Variants in CNNM2 observed in about 807,000 individuals in gnomAD.
The protein encoded by CNNM2 is cyclin and CBS domain divalent metal cation transport mediator 2.
Under a neutral mutation model 66.9 loss-of-function variants are expected in CNNM2, and 12 were observed. The observed-to-expected ratio is 0.18, with a 90% confidence interval of 0.11 to 0.29. The LOEUF (loss-of-function observed/expected upper bound fraction) is 0.29. CNNM2 is among the 10% of genes least tolerant of loss of function. CNNM2 has a pLI of 1.00. For synonymous variants in CNNM2, 557 were observed against 501.8 expected (o/e 1.11, Z -1.47); for missense variants, 705 against 1,167.7 (o/e 0.60, Z 5.77).
chr10:102,960,269 T>C (rs553791613), intron 1 of CNNM2, among the ~76,000 whole-genome samples: 1 of 152,264 alleles, frequency 6.6e-6, no homozygotes, highest in East Asian at 1.9e-4. Flanking sequence ...TACTGAGAAT[T>C]TCATTACCAC....
chr10:103,064,888 GA>G lies in CNNM2; in HGVS notation c.2074-3732del, dbSNP rs1237304166. ...AAATAAATTTTAAAACCATCTTTAT[GA>G]AAAAAAAATTTGGCAACCCCGTATC... On this transcript the variant is annotated intron_variant, in intron 4 of 7. Coordinates refer to ENST00000369878, the MANE Select transcript of CNNM2 (RefSeq NM_017649.5). Among the ~76,000 whole-genome samples the G allele has an allele frequency of 4.6e-5, 7 of 151,004 alleles. No homozygotes were observed. In the East Asian group the frequency reaches 5.8e-4, roughly 13 times the overall value.
Position 102,918,568 on chromosome 10 carries a change from C to T in CNNM2, c.88C>T (p.Arg30Cys), listed in dbSNP as rs540558653. ...AALPTWKMAA[R>C]RSLSARGRGI... ...ACTGCCCACTTGGAAGATGGCGGCG[C>T]GCCGCAGCCTCAGCGCTCGCGGCCG... is the stretch of plus-strand genomic sequence containing the variant. Residue 30 changes from arginine (R) to cysteine (C), a missense_variant, in exon 1 of 8, where the codon CGC becomes TGC. Coordinates refer to ENST00000369878, the MANE Select transcript of CNNM2 (RefSeq NM_017649.5). The surrounding 1 kb of genome is among the most constrained non-coding windows in gnomAD (Gnocchi z 4.1). 3.1e-5 allele frequency: 49 copies of T among 1,584,730 alleles called. No individual in the cohort carries two copies. The African/African-American group carries it at 5.3e-4, about 17-fold the overall frequency.
intron 1 of CNNM2, among the ~76,000 whole-genome samples, chr10:102,958,375 G>T (rs1564820852): frequency 6.7e-6 from 1 of 149,960 alleles, no homozygotes; most frequent in Non-Finnish European, 1.5e-5. Context: ...ACGGTTTTTG[G>T]TATGTCTTCA....
rs192407463 is a variant in CNNM2, at chr10:102,986,539, T to G, written c.1622-63168T>G. Among the ~76,000 whole-genome samples the G allele has an allele frequency of 1.1e-4, 16 of 152,150 alleles. No individual in the cohort carries two copies. The East Asian group carries it at 2.7e-3, about 26-fold the overall frequency. ...GGCTCACGCCTGTAATACCAGTACT[T>G]TGGGAGGCCGAGGTGGGCGGATCAC... is the stretch of plus-strand genomic sequence containing the variant. On this transcript the variant is annotated intron_variant, in intron 1 of 7. Transcript: ENST00000369878.
chr10:102,925,583 G>A lies in CNNM2; in HGVS notation c.1621+5482G>A, dbSNP rs372473487. ...TAGCATCAACTGAACTAGATCCCAT[G>A]TCCCTGACTTCTAGATTGGAGTTCT... On this transcript the variant is annotated intron_variant, in intron 1 of 7. Transcript: ENST00000369878. Among the ~76,000 whole-genome samples, 153 of 152,312 alleles carry A rather than the reference G, an allele frequency of 1.0e-3. 1 individual carries two copies. Among genetic ancestry groups the A allele is most frequent in the African/African-American group, 3.6e-3 (151 of 41,570 alleles).
At chr10:102,973,837 A>G (rs1409667001) in intron 1 of CNNM2, among the ~76,000 whole-genome samples, 1 of 133,228 alleles carries the variant, frequency 7.5e-6, no homozygotes, top group Non-Finnish European at 1.6e-5. Context: ...CTTTTTTAAA[A>G]CAACATCATC....
chr10:102,946,111 G>C (rs1171805661), intron 1 of CNNM2, among the ~76,000 whole-genome samples: 1 of 152,136 alleles, frequency 6.6e-6, no homozygotes, highest in Admixed American at 6.6e-5. Context: ...AGGAACATGG[G>C]GGAAAGTCCT....
At chr10:102,948,715 T>C (rs1014514725) in intron 1 of CNNM2, among the ~76,000 whole-genome samples, 3 of 152,112 alleles carry the variant, frequency 2.0e-5, no homozygotes, top group Admixed American at 6.6e-5. Context: ...GAAAATCTTT[T>C]GATGAGGAGA....
rs1387760947 is a variant in CNNM2 at position 103,086,565 on chromosome 10, C to CAT, written c.*9385_*9386insAT. 2.6e-5 allele frequency: 4 copies of CAT among 152,132 alleles called. No homozygotes were observed. The highest frequency in any genetic ancestry group is 9.7e-5 in the African/African-American group (4 of 41,416). 9.4% of individuals were successfully genotyped at this position (152,132 alleles called of 1,614,324 possible). A position where few individuals can be genotyped will look rare whatever the true frequency, so the allele number is the denominator to read the frequency against. ...CTTTAAAGTTGTTGACAAAGTATTTCTTAAATAAATACATCTGATTTAGAA... is the reference window on the plus strand; with the variant it reads ...CTTTAAAGTTGTTGACAAAGTATTTCATTTAAATAAATACATCTGATTTAGAA... On this transcript the variant is annotated 3_prime_UTR_variant, in exon 8 of 8. Coordinates refer to ENST00000369878, the MANE Select transcript of CNNM2 (RefSeq NM_017649.5).
At chr10:102,955,054 G>C (rs1846984852) in intron 1 of CNNM2, among the ~76,000 whole-genome samples, 1 of 152,150 alleles carries the variant, frequency 6.6e-6, no homozygotes, top group Non-Finnish European at 1.5e-5. Flanking sequence ...AACCAAAAAA[G>C]GGCCCGTGTT....
chr10:103,023,874 TAATG>T (rs765900597), intron 1 of CNNM2, among the ~76,000 whole-genome samples: 1 of 152,246 alleles, frequency 6.6e-6, no homozygotes, highest in African/African-American at 2.4e-5. Flanking sequence ...GAGACTAGTA[TAATG>T]AATATACATA....
intron 1 of CNNM2, among the ~76,000 whole-genome samples, chr10:103,034,408 C>T (rs2064890687): frequency 2.0e-5 from 3 of 152,102 alleles, no homozygotes; most frequent in Non-Finnish European, 2.9e-5. Context: ...CATTCCTCTC[C>T]TTAAAACGCC....
At position 103,024,819 on chromosome 10, in the gene CNNM2, A is replaced by G. The variant is rs2064668123; in HGVS notation, c.1622-24888A>G. On this transcript the variant is annotated intron_variant, in intron 1 of 7. Transcript: ENST00000369878. Reference sequence around the variant, plus strand: ...AGAAACCAAGCTAGTTGTTTTGTAGAGTGCCCTACATTTGGGGCTTGTATG... The same window carrying G: ...AGAAACCAAGCTAGTTGTTTTGTAGGGTGCCCTACATTTGGGGCTTGTATG... 3.3e-5 allele frequency among the ~76,000 whole-genome samples: 5 copies of G among 152,192 alleles called. No individual in the cohort carries two copies. The South Asian group carries it at 1.0e-3, about 32-fold the overall frequency.
intron 1 of CNNM2, among the ~76,000 whole-genome samples, chr10:102,949,312 A>AT (rs1846737880): frequency 6.6e-6 from 1 of 151,958 alleles, no homozygotes; most frequent in East Asian, 2.0e-4. Flanking sequence ...AGGAGCTGGG[A>AT]TTACAGGCAC....
chr10:102,993,498 G>T (rs1264796876), intron 1 of CNNM2, among the ~76,000 whole-genome samples: 2 of 152,156 alleles, frequency 1.3e-5, no homozygotes, highest in South Asian at 2.1e-4. Context: ...TTTCCAAAGA[G>T]AATTCTATTA....
intron 1 of CNNM2, among the ~76,000 whole-genome samples, chr10:102,979,584 G>T (rs1166709640): frequency 2.0e-5 from 3 of 152,042 alleles, no homozygotes; most frequent in East Asian, 3.9e-4. Context: ...TGTAACATTT[G>T]TCTCCCCGCC....
At chr10:103,009,467 A>C (rs945104842) in intron 1 of CNNM2, among the ~76,000 whole-genome samples, 2 of 151,822 alleles carry the variant, frequency 1.3e-5, no homozygotes, top group Non-Finnish European at 2.9e-5. Flanking sequence ...CAAGGTGGGA[A>C]TATCGCTTGA....
chr10:103,075,790 G>A (rs967268734), intron 6 of CNNM2, among the ~76,000 whole-genome samples: 3 of 152,138 alleles, frequency 2.0e-5, no homozygotes, highest in Non-Finnish European at 2.9e-5. Context: ...CACAGTACCC[G>A]GGAATGTTCC....
At chr10:103,034,162 T>C (rs995862357) in intron 1 of CNNM2, among the ~76,000 whole-genome samples, 1 of 151,998 alleles carries the variant, frequency 6.6e-6, no homozygotes, top group Non-Finnish European at 1.5e-5. Context: ...TTCCCTTATA[T>C]CACATAATTA....
Sources: allele counts gnomAD v4.1 joint callset (sites outside exome capture counted in the v4.1 genomes callset), GRCh38; gene constraint gnomAD v4.1.1; non-coding constraint Gnocchi (gnomAD v3.1); transcripts MANE v1.5; gene names NCBI Gene and HGNC (gene_info 2026-07-23, HGNC 2026-07-21).